Variants in XIRP2 observed in about 807,000 individuals in gnomAD.
XIRP2 encodes xin actin binding repeat containing 2, also known as xin actin-binding repeat-containing protein 2.
XIRP2 carries 236 observed loss-of-function variants against 277.0 expected under a neutral mutation model. That is an observed-to-expected ratio of 0.85 (90% CI 0.77 to 0.95). The LOEUF (loss-of-function observed/expected upper bound fraction) is 0.95. Ranked by LOEUF, XIRP2 falls within the 40% of genes least tolerant of loss-of-function variation. The pLI is 0.00. For missense variants in XIRP2, 4,640 were observed against 4,157.5 expected (o/e 1.12, Z -3.19); for synonymous variants, 1,490 against 1,416.5 (o/e 1.05, Z -1.17).
intron 2 of XIRP2, among the ~76,000 whole-genome samples, chr2:166,914,314 GATA>G (rs1400791858): frequency 6.6e-6 from 1 of 152,028 alleles, no homozygotes; most frequent in Non-Finnish European, 1.5e-5. Flanking sequence ...GGAACTCTAA[GATA>G]ATAAATGTGT....
Position 167,248,241 on chromosome 2 carries a change from A to G in XIRP2, c.6849A>G (p.Lys2283=), listed in dbSNP as rs1196889418. 6.2e-7 allele frequency: 1 copy of G among 1,612,404 alleles called. No individual in the cohort carries two copies. ...ACTTTAACCCTGAGAATAATGTAAA[A>G]GAAAGTGAGTGCCCCCTTCCACCTC... The part of the protein sequence containing the change: ...PINFNPENNV[K]ESECPLPPPS... The change falls in exon 9 of 11, where the codon AAA becomes AAG. Residue 2283 remains lysine (K), a synonymous_variant. Coordinates refer to ENST00000409195, the MANE Select transcript of XIRP2 (RefSeq NM_152381.6).
chr2:167,050,415 G>C (rs192952654), intron 2 of XIRP2, among the ~76,000 whole-genome samples: 1 of 152,072 alleles, frequency 6.6e-6, no homozygotes, highest in East Asian at 1.9e-4. Context: ...AATACAGTTA[G>C]CACTATTGCT....
intron 2 of XIRP2, among the ~76,000 whole-genome samples, chr2:166,940,202 T>C (rs977893909): frequency 3.9e-5 from 6 of 152,224 alleles, no homozygotes; most frequent in Non-Finnish European, 5.9e-5. Flanking sequence ...CATTTGATCT[T>C]CAATCACTGA....
chr2:167,093,202 A>G (rs1480689686), intron 2 of XIRP2, among the ~76,000 whole-genome samples: 4 of 151,838 alleles, frequency 2.6e-5, no homozygotes, highest in Admixed American at 2.6e-4. Flanking sequence ...ATTGAGGTCT[A>G]TAATATTAAG....
intron 1 of XIRP2, 102 bp downstream of exon 1, chr2:166,888,659 C>T (rs1263408113): frequency 1.3e-5 from 2 of 152,158 alleles, no homozygotes; most frequent in African/African-American, 4.8e-5. Context: ...CCTCTCTCTC[C>T]CTATTTCTTT....
At position 167,246,417 on chromosome 2, in the gene XIRP2, A is replaced by C. The variant is rs1280399432; in HGVS notation, c.5025A>C (p.Lys1675Asn). 1 of 1,613,732 alleles carries C rather than the reference A, an allele frequency of 6.2e-7. No individual in the cohort carries two copies. Among genetic ancestry groups the C allele is most frequent in the South Asian group, 1.1e-5 (1 of 91,058 alleles). Residue 1675 changes from lysine to asparagine, a missense_variant, in exon 9 of 11, where the codon AAA (lysine) becomes AAC (asparagine). Lys to Asn is a moderately conservative substitution (Grantham distance 94). Coordinates refer to ENST00000409195, the MANE Select transcript of XIRP2 (RefSeq NM_152381.6). ...NLFSEERSVK[K>N]GILIQEDEKG... The stretch of plus-strand genomic sequence containing the variant: ...TCTCTGAGGAAAGATCTGTAAAGAA[A>C]GGCATCTTAATTCAGGAAGATGAAA...
In XIRP2 at chr2:167,247,226, TA is replaced by T. The variant is rs760810271; in HGVS notation, c.5841del (p.Asp1948MetfsTer5). Reference sequence around the variant, plus strand: ...AAAGAGGTACATAAAGAAGGTGTAATAAAAAAAGATGCTAAAGCTGTGATGG... The same window carrying T: ...AAAGAGGTACATAAAGAAGGTGTAATAAAAAAGATGCTAAAGCTGTGATGG... Reference protein sequence around the residue: ...SFKEVHKEGVIKKDAKAVMAG... With the variant: ...SFKEVHKEGVXKKDAKAVMAG... On this transcript the variant is annotated frameshift_variant, in exon 9 of 11. Coordinates refer to ENST00000409195, the MANE Select transcript of XIRP2 (RefSeq NM_152381.6). LOFTEE classifies it high-confidence loss of function. 2.0e-5 allele frequency: 32 copies of T among 1,613,296 alleles called. No homozygotes were observed. The highest frequency in any genetic ancestry group is 2.5e-5 in the Non-Finnish European group (29 of 1,179,784).
At position 167,246,470 on chromosome 2, in the gene XIRP2, G is replaced by T. The variant is rs766609289; in HGVS notation, c.5078G>T (p.Cys1693Phe). 6.2e-7 allele frequency: 1 copy of T among 1,613,696 alleles called. No individual in the cohort carries two copies. The change falls in exon 9 of 11, where the codon TGT becomes TTT. Residue 1693 changes from cysteine to phenylalanine, a missense_variant. Cys to Phe is a radical substitution (Grantham distance 205). Coordinates refer to ENST00000409195, the MANE Select transcript of XIRP2 (RefSeq NM_152381.6). The part of the protein sequence containing the change: ...EKGDINMTIY[C>F]LLHENDGDTI... ...GGAGATATTAACATGACTATCTATTGTCTTCTTCATGAAAATGATGGTGAC... is the reference window on the plus strand; with the variant it reads ...GGAGATATTAACATGACTATCTATTTTCTTCTTCATGAAAATGATGGTGAC...
intron 2 of XIRP2, among the ~76,000 whole-genome samples, chr2:166,968,421 T>C (rs1686485482): frequency 6.6e-6 from 1 of 151,976 alleles, no homozygotes; most frequent in Non-Finnish European, 1.5e-5. Flanking sequence ...ACAGAATCTG[T>C]CCTTTAAAAA....
chr2:166,947,337 C>T (rs552659358), intron 2 of XIRP2, among the ~76,000 whole-genome samples: 1 of 152,206 alleles, frequency 6.6e-6, no homozygotes, highest in East Asian at 1.9e-4. Context: ...GTGTTTGACA[C>T]ACAGTGGGTG....
intron 2 of XIRP2, among the ~76,000 whole-genome samples, chr2:166,971,233 C>T (rs1450563519): frequency 1.3e-5 from 2 of 151,928 alleles, no homozygotes; most frequent in African/African-American, 4.8e-5. Flanking sequence ...TATGCTACAT[C>T]AGGGCAGGAA....
chr2:167,167,581 C>T (rs764661377), intron 3 of XIRP2, among the ~76,000 whole-genome samples: 3 of 152,032 alleles, frequency 2.0e-5, no homozygotes, highest in Non-Finnish European at 2.9e-5. Context: ...AGCTCTGTAC[C>T]ACTTCATGGG....
At chr2:166,899,102 C>T (rs1312977782) in intron 1 of XIRP2, among the ~76,000 whole-genome samples, 1 of 152,028 alleles carries the variant, frequency 6.6e-6, no homozygotes, top group Non-Finnish European at 1.5e-5. Flanking sequence ...TCATGTCTTT[C>T]TATGAGTTAC....
At chr2:166,930,750 T>C (rs1685313853) in intron 2 of XIRP2, among the ~76,000 whole-genome samples, 1 of 152,204 alleles carries the variant, frequency 6.6e-6, no homozygotes, top group Non-Finnish European at 1.5e-5. Flanking sequence ...GCAGTTGAAA[T>C]TCTGCTTTTT....
At chr2:166,976,854 A>G (rs1686729969) in intron 2 of XIRP2, among the ~76,000 whole-genome samples, 1 of 152,178 alleles carries the variant, frequency 6.6e-6, no homozygotes, top group Non-Finnish European at 1.5e-5. Flanking sequence ...TCCATATGCT[A>G]TCATTTCCCT....
intron 2 of XIRP2, among the ~76,000 whole-genome samples, chr2:166,953,220 A>G (rs973380910): frequency 6.6e-6 from 1 of 151,836 alleles, no homozygotes; most frequent in Admixed American, 6.6e-5. Context: ...TATTGTGTTG[A>G]TATGGTTTGG....
intron 2 of XIRP2, among the ~76,000 whole-genome samples, chr2:167,117,136 T>C (rs1370285118): frequency 6.6e-6 from 1 of 152,212 alleles, no homozygotes; most frequent in African/African-American, 2.4e-5. Flanking sequence ...ACTTGGTTAA[T>C]AGAATTGTAA....
intron 2 of XIRP2, among the ~76,000 whole-genome samples, chr2:167,103,415 CTT>C (rs1558981293): frequency 6.6e-6 from 1 of 152,102 alleles, no homozygotes; most frequent in Non-Finnish European, 1.5e-5. Context: ...TGTTGTTGCT[CTT>C]GTTGCTGCTC....
chr2:167,014,194 A>G (rs1000152007), intron 2 of XIRP2, among the ~76,000 whole-genome samples: 3 of 151,632 alleles, frequency 2.0e-5, no homozygotes, highest in African/African-American at 7.3e-5. Context: ...AAGCAGGCCA[A>G]TGCACATTAG....
Sources: allele counts gnomAD v4.1 joint callset (sites outside exome capture counted in the v4.1 genomes callset), GRCh38; gene constraint gnomAD v4.1.1; transcripts MANE v1.5; gene names NCBI Gene and HGNC (gene_info 2026-07-23, HGNC 2026-07-21).